The following CDCP1 variants were observed in gnomAD, a reference collection of about 807,000 sequenced individuals.
CDCP1 encodes the protein CUB domain-containing protein 1.
In CDCP1, 29 loss-of-function variants were observed where a neutral mutation model predicts 60.2. That is an observed-to-expected ratio of 0.48 (90% CI 0.36 to 0.66). The LOEUF (loss-of-function observed/expected upper bound fraction) is 0.66. CDCP1 is among the 30% of genes least tolerant of loss of function. The pLI is 0.00. For missense variants in CDCP1, 876 were observed against 1,074.3 expected (o/e 0.82, Z 2.58); for synonymous variants, 387 against 431.1 (o/e 0.90, Z 1.27).
chr3:45,126,606 C>A (rs563261497), intron 1 of CDCP1, among the ~76,000 whole-genome samples: 3 of 152,214 alleles, frequency 2.0e-5, no homozygotes, highest in African/African-American at 7.2e-5. Flanking sequence ...GATCTGCCTA[C>A]CTGGAAATAG....
At chr3:45,087,741 T>C (rs545782985) in intron 8 of CDCP1, among the ~76,000 whole-genome samples, 17 of 152,310 alleles carry the variant, frequency 1.1e-4, no homozygotes, top group Middle Eastern at 3.4e-3. Context: ...ATTTTTTGGC[T>C]GGGTGTGGTG....
intron 4 of CDCP1, among the ~76,000 whole-genome samples, chr3:45,101,947 T>A (rs929604348): frequency 2.2e-4 from 34 of 151,892 alleles, no homozygotes; most frequent in African/African-American, 7.7e-4. Context: ...TCACCGTTCA[T>A]CAAATATGTA....
chr3:45,116,922 A>T (rs1698801132), intron 2 of CDCP1, among the ~76,000 whole-genome samples: 1 of 152,180 alleles, frequency 6.6e-6, no homozygotes. Context: ...ACAATTTTAG[A>T]AATAGTCTCT....
intron 1 of CDCP1, among the ~76,000 whole-genome samples, chr3:45,120,446 T>C (rs929123020): frequency 3.3e-5 from 5 of 152,214 alleles, no homozygotes; most frequent in African/African-American, 1.2e-4. Context: ...TTTGGGCCTC[T>C]GTTCCTTCAT....
Position 45,085,894 on chromosome 3 carries a change from C to G in CDCP1, c.2255G>C (p.Gly752Ala). 6.2e-7 allele frequency: 1 copy of G among 1,614,152 alleles called. No homozygotes were observed. The highest frequency in any genetic ancestry group is 1.3e-5 in the African/African-American group (1 of 75,020). Residue 752 changes from glycine (G) to alanine (A), a missense_variant, in exon 9 of 9, where the codon GGC becomes GCC. Coordinates refer to ENST00000296129, the MANE Select transcript of CDCP1 (RefSeq NM_022842.5). The surrounding 1 kb of genome is among the most constrained non-coding windows in gnomAD (Gnocchi z 4.2). ...VYGHLLQDSSGSFLQPEVDTY... is the reference protein window; with the variant it reads ...VYGHLLQDSSASFLQPEVDTY... ...GTCCACCTCTGGCTGCAGGAAGGAG[C>G]CGCTGGAATCCTGTAGCAGATGCCC... is the stretch of plus-strand genomic sequence containing the variant.
At chr3:45,097,602 C>G (rs1290307263) in intron 4 of CDCP1, among the ~76,000 whole-genome samples, 1 of 151,794 alleles carries the variant, frequency 6.6e-6, no homozygotes, top group Admixed American at 6.6e-5. Flanking sequence ...TATCACCCAT[C>G]AGCGCCGGCG....
rs115241379 is a variant in CDCP1, at chr3:45,112,412, A to G, written c.326T>C (p.Val109Ala). The G allele has an allele frequency of 3.7e-6, 6 of 1,614,066 alleles. No individual in the cohort carries two copies. Among genetic ancestry groups the G allele is most frequent in the Non-Finnish European group, 5.1e-6 (6 of 1,180,012 alleles). The change falls in exon 3 of 9, where the codon GTT (valine) becomes GCT (alanine). Residue 109 changes from valine (V) to alanine (A), a missense_variant. Coordinates refer to ENST00000296129, the MANE Select transcript of CDCP1 (RefSeq NM_022842.5). ...CMSGPCPFGE[V>A]QLQPSTSLLP... ...CAACGATGTCGAGGGCTGAAGCTGAACCTCCCCAAAAGGACATGGGCCTGA... is the reference window on the plus strand; with the variant it reads ...CAACGATGTCGAGGGCTGAAGCTGAGCCTCCCCAAAAGGACATGGGCCTGA...
chr3:45,096,623 C>CAAAAAAAAAAAAA (rs5848726), intron 4 of CDCP1, among the ~76,000 whole-genome samples: 3 of 53,176 alleles, frequency 5.6e-5, no homozygotes, highest in Admixed American at 6.4e-4. Context: ...GACTCCGTCT[C>CAAAAAAAAAAAAA]AAAAAAAAAA....
intron 4 of CDCP1, chr3:45,110,077 T>G: frequency 2.5e-6 from 1 of 402,908 alleles, no homozygotes; most frequent in South Asian, 6.9e-5. Context: ...CAAGATGACA[T>G]GCAGAGTATG....
At chr3:45,138,850 GA>G (rs934421620) in intron 1 of CDCP1, among the ~76,000 whole-genome samples, 3 of 151,158 alleles carry the variant, frequency 2.0e-5, no homozygotes, top group South Asian at 4.2e-4. Context: ...CCATCTCAAA[GA>G]AAAAAAAGAA....
intron 1 of CDCP1, among the ~76,000 whole-genome samples, chr3:45,131,063 G>A (rs992558982): frequency 1.3e-5 from 2 of 151,870 alleles, no homozygotes; most frequent in African/African-American, 4.8e-5. Context: ...GTAGAGACGG[G>A]GGTCTTCCTA....
At chr3:45,121,675 A>G (rs1698887406) in intron 1 of CDCP1, among the ~76,000 whole-genome samples, 1 of 152,138 alleles carries the variant, frequency 6.6e-6, no homozygotes, top group Admixed American at 6.6e-5. Context: ...AAGGCTAGAG[A>G]TGGGGAGAGG....
intron 1 of CDCP1, among the ~76,000 whole-genome samples, chr3:45,129,127 G>C (rs1391227815): frequency 6.6e-6 from 1 of 152,210 alleles, no homozygotes; most frequent in Non-Finnish European, 1.5e-5. Flanking sequence ...TGACAGGTTT[G>C]CACAGAACCA....
At chr3:45,109,341 C>T (rs1156387846) in intron 4 of CDCP1, among the ~76,000 whole-genome samples, 2 of 152,108 alleles carry the variant, frequency 1.3e-5, no homozygotes, top group Non-Finnish European at 2.9e-5. Context: ...GTGGATCCCA[C>T]ACTGCCACTT....
At chr3:45,128,525 T>G (rs1699037704) in intron 1 of CDCP1, among the ~76,000 whole-genome samples, 1 of 152,172 alleles carries the variant, frequency 6.6e-6, no homozygotes. Context: ...AGCTCTTAGA[T>G]TAATTACAGA....
intron 5 of CDCP1, among the ~76,000 whole-genome samples, chr3:45,094,942 GT>G (rs529897093): frequency 0.029 from 3,985 of 138,394 alleles, 144 homozygotes; most frequent in African/African-American, 0.094. Flanking sequence ...TGTGGGTGGG[GT>G]TTTTTTTTTT....
intron 1 of CDCP1, among the ~76,000 whole-genome samples, chr3:45,123,703 C>A (rs1235671160): frequency 6.6e-6 from 1 of 152,162 alleles, no homozygotes; most frequent in African/African-American, 2.4e-5. Context: ...TGGTAAAATC[C>A]CCACTGCTTA....
At chr3:45,133,575 G>A (rs1384390670) in intron 1 of CDCP1, among the ~76,000 whole-genome samples, 2 of 17,772 alleles carry the variant, frequency 1.1e-4, no homozygotes, top group Admixed American at 5.7e-4. Flanking sequence ...AAAATTAGCC[G>A]GGCGTGGTAG....
At chr3:45,098,091 C>G (rs1198322777) in intron 4 of CDCP1, among the ~76,000 whole-genome samples, 1 of 152,108 alleles carries the variant, frequency 6.6e-6, no homozygotes, top group Non-Finnish European at 1.5e-5. Flanking sequence ...TTACCAAGGC[C>G]CCGCCACACA....
Sources: gnomAD v4.1 joint callset for allele counts (sites outside exome capture counted in the v4.1 genomes callset) on GRCh38, gnomAD v4.1.1 for gene constraint, Gnocchi (gnomAD v3.1) non-coding constraint, MANE v1.5 for transcripts, NCBI Gene and HGNC (gene_info 2026-07-23, HGNC 2026-07-21) for gene names.